The following KCNMA1 variants were observed in gnomAD, a reference collection of about 807,000 sequenced individuals.
The protein encoded by KCNMA1 is Calcium-activated potassium channel subunit alpha-1.
KCNMA1 carries 29 observed loss-of-function variants against 140.0 expected under a neutral mutation model. The observed-to-expected ratio is 0.21, with a 90% confidence interval of 0.15 to 0.28. The LOEUF is 0.28. Ranked by LOEUF, KCNMA1 falls within the 10% of genes least tolerant of loss-of-function variation. The pLI is 1.00. For synonymous variants in KCNMA1, 612 were observed against 611.9 expected, an observed-to-expected ratio of 1.00 and a Z score of 0.00; for missense variants, 880 against 1,602.2, an observed-to-expected ratio of 0.55 and a Z score of 7.70.
At chr10:76,896,917 G>T (rs1204008058) in intron 25 of KCNMA1, among the ~76,000 whole-genome samples, 1 of 151,586 alleles carries the variant, frequency 6.6e-6, no homozygotes, top group African/African-American at 2.4e-5. Flanking sequence ...AGTATGTTGT[G>T]TCTCATTTTT....
chr10:77,456,093 G>A (rs963044352), intron 1 of KCNMA1, among the ~76,000 whole-genome samples: 2 of 152,172 alleles, frequency 1.3e-5, no homozygotes, highest in African/African-American at 4.8e-5. Flanking sequence ...GGCTAAGGAA[G>A]GCACTCTTTG....
chr10:77,170,600 C>T (rs183725877), intron 5 of KCNMA1, among the ~76,000 whole-genome samples: 170 of 152,194 alleles, frequency 1.1e-3, no homozygotes, highest in Middle Eastern at 3.4e-3. Flanking sequence ...GGAGGTGAGA[C>T]TCTAGGGATG....
At chr10:76,872,044 T>C (rs1280488855) in exon 28 of KCNMA1, 1 of 152,224 alleles carries the variant, frequency 6.6e-6, no homozygotes, top group Non-Finnish European at 1.5e-5. Context: ...ATAAGGGGAA[T>C]TCCTATTTGG....
intron 1 of KCNMA1, among the ~76,000 whole-genome samples, chr10:77,582,752 G>A (rs563903619): frequency 2.6e-5 from 4 of 152,308 alleles, no homozygotes; most frequent in South Asian, 4.1e-4. Flanking sequence ...CATGCCCCTC[G>A]GGGGACTTCT....
intron 3 of KCNMA1, among the ~76,000 whole-genome samples, chr10:77,196,334 A>T (rs903882303): frequency 1.3e-5 from 2 of 152,144 alleles, no homozygotes; most frequent in Non-Finnish European, 2.9e-5. Context: ...GTACTGAAGA[A>T]TCTCACAAAA....
intron 3 of KCNMA1, among the ~76,000 whole-genome samples, chr10:77,209,837 C>T (rs965275487): frequency 1.3e-5 from 2 of 151,782 alleles, no homozygotes; most frequent in African/African-American, 4.8e-5. Context: ...CACACAACCT[C>T]CCAAGATTGA....
chr10:77,333,833 G>A (rs896833240), intron 2 of KCNMA1, among the ~76,000 whole-genome samples: 1 of 152,164 alleles, frequency 6.6e-6, no homozygotes, highest in Non-Finnish European at 1.5e-5. Context: ...AGTGTGATGG[G>A]TAATTGGCAC....
chr10:77,004,080 A>T (rs1187736380), intron 18 of KCNMA1, among the ~76,000 whole-genome samples: 1 of 152,200 alleles, frequency 6.6e-6, no homozygotes, highest in Non-Finnish European at 1.5e-5. Context: ...TTAACTGTTA[A>T]TTATAAGCAG....
chr10:77,452,626 C>A (rs553593193), intron 1 of KCNMA1, among the ~76,000 whole-genome samples: 6 of 152,300 alleles, frequency 3.9e-5, no homozygotes, highest in African/African-American at 1.2e-4. Flanking sequence ...GAGTATGACA[C>A]CACCTCAAGA....
At chr10:76,892,618 T>C (rs1322906473) in intron 25 of KCNMA1, among the ~76,000 whole-genome samples, 1 of 152,090 alleles carries the variant, frequency 6.6e-6, no homozygotes, top group Admixed American at 6.5e-5. Context: ...TGGAAAGAGG[T>C]AAGGAAAGAT....
At chr10:77,128,805 T>G (rs1201205404) in intron 5 of KCNMA1, among the ~76,000 whole-genome samples, 2 of 152,220 alleles carry the variant, frequency 1.3e-5, no homozygotes, top group Non-Finnish European at 2.9e-5. Context: ...TTTGGAGGCA[T>G]GGGATTCAAA....
chr10:77,024,630 C>T (rs1216206261), intron 16 of KCNMA1, among the ~76,000 whole-genome samples: 1 of 151,686 alleles, frequency 6.6e-6, no homozygotes, highest in Non-Finnish European at 1.5e-5. Flanking sequence ...AGCAGCAAAA[C>T]AGGGTGAAAT....
intron 1 of KCNMA1, among the ~76,000 whole-genome samples, chr10:77,604,132 G>C (rs958525914): frequency 2.0e-5 from 3 of 152,204 alleles, no homozygotes; most frequent in African/African-American, 7.2e-5. Context: ...AACTTGTCCT[G>C]GCCCCGAGGA....
chr10:77,203,585 G>GGAGA (rs1224214269), intron 3 of KCNMA1, among the ~76,000 whole-genome samples: 31 of 152,104 alleles, frequency 2.0e-4, no homozygotes, highest in Non-Finnish European at 1.2e-4. Flanking sequence ...GCTCCTGAGG[G>GGAGA]GAGAGCCTTG....
intron 2 of KCNMA1, among the ~76,000 whole-genome samples, chr10:77,359,806 T>C (rs942321521): frequency 6.6e-5 from 10 of 152,136 alleles, no homozygotes; most frequent in African/African-American, 1.9e-4. Flanking sequence ...TAATTCTGTG[T>C]TTTTCAAATA....
chr10:77,026,450 T>C (rs1399559329), intron 16 of KCNMA1, among the ~76,000 whole-genome samples: 6 of 152,214 alleles, frequency 3.9e-5, no homozygotes, highest in African/African-American at 1.4e-4. Flanking sequence ...CAGGTACAAG[T>C]GAGTATTGGC....
chr10:76,925,009 G>A (rs2057247160), intron 23 of KCNMA1, among the ~76,000 whole-genome samples: 1 of 152,058 alleles, frequency 6.6e-6, no homozygotes, highest in Admixed American at 6.6e-5. Context: ...TCCCAACCCA[G>A]CTCCTGTCGT....
intron 2 of KCNMA1, among the ~76,000 whole-genome samples, chr10:77,338,747 T>C (rs1170945155): frequency 6.6e-6 from 1 of 152,226 alleles, no homozygotes; most frequent in Non-Finnish European, 1.5e-5. Context: ...TAAATCTTGA[T>C]GATGTCATTT....
At position 76,970,064 on chromosome 10, in the gene KCNMA1, T is replaced by A; in HGVS notation, c.2270A>T (p.Glu757Val). 6.2e-7 allele frequency: 1 copy of A among 1,613,630 alleles called. No homozygotes were observed. The highest frequency in any genetic ancestry group is 8.5e-7 in the Non-Finnish European group (1 of 1,179,632). The change falls in exon 20 of 28, where the codon GAA becomes GTA. Residue 757 changes from glutamate to valine, a missense_variant. Physicochemically the swap from Glu to Val is moderately radical, Grantham distance 121 (BLOSUM62 -2). Transcript: ENST00000286628. ...NDCSTSFRAF[E>V]DEQPSTLSPK... ...TGATAGTGTTGACGGCTGCTCATCT[T>A]CAACTGGAAATACAGGCAGCTCATG...
Sources: allele counts gnomAD v4.1 joint callset (sites outside exome capture counted in the v4.1 genomes callset), GRCh38; gene constraint gnomAD v4.1.1; transcripts MANE v1.5; gene names NCBI Gene and HGNC (gene_info 2026-07-23, HGNC 2026-07-21).